The following NCOA1 variants were observed in gnomAD, a reference collection of about 807,000 sequenced individuals.
NCOA1 encodes nuclear receptor coactivator 1.
NCOA1 carries 35 observed loss-of-function variants against 150.9 expected under a neutral mutation model. The ratio of observed to expected loss-of-function variants is 0.23; its 90% confidence interval spans 0.18 to 0.31. The LOEUF is 0.31. Ranked by LOEUF, NCOA1 falls within the 10% of genes least tolerant of loss-of-function variation. The pLI is 1.00. For synonymous variants in NCOA1, 590 were observed against 630.0 expected, an observed-to-expected ratio of 0.94 and a Z score of 0.95; for missense variants, 1,491 against 1,749.3, an observed-to-expected ratio of 0.85 and a Z score of 2.63.
chr2:24,644,794 A>G (rs1010981930), intron 4 of NCOA1, among the ~76,000 whole-genome samples: 1 of 152,252 alleles, frequency 6.6e-6, no homozygotes, highest in African/African-American at 2.4e-5. Context: ...TGAATTATAC[A>G]TAGATAAAAA....
rs1228468883 is a variant in NCOA1 at position 24,728,373 on chromosome 2, A to T, written c.2783A>T (p.Asp928Val). 3.1e-6 allele frequency: 5 copies of T among 1,613,692 alleles called. No homozygotes were observed. The highest frequency in any genetic ancestry group is 4.2e-6 in the Non-Finnish European group (5 of 1,179,632). Residue 928 changes from aspartate (D) to valine (V), a missense_variant, in exon 16 of 23, where the codon GAT (aspartate) becomes GTT (valine). By Grantham distance (152) the Asp-to-Val change is radical. Coordinates refer to ENST00000348332, the MANE Select transcript of NCOA1 (RefSeq NM_003743.5). Reference protein sequence around the residue: ...CPPTTVEGRNDEKALLEQLVS... With the variant: ...CPPTTVEGRNVEKALLEQLVS... ...CCCACAACAGTAGAAGGGAGAAATG[A>T]TGAGAAGGCTCTTCTTGAACAGCTG...
chr2:24,557,414 A>T (rs1666114356), intron 1 of NCOA1, among the ~76,000 whole-genome samples: 1 of 152,104 alleles, frequency 6.6e-6, no homozygotes. Context: ...TTGGTGAATA[A>T]TCTACGGTGA....
At chr2:24,632,389 C>T (rs543823020) in intron 3 of NCOA1, among the ~76,000 whole-genome samples, 8 of 152,130 alleles carry the variant, frequency 5.3e-5, no homozygotes, top group African/African-American at 1.9e-4. Context: ...ATTTAAAAAG[C>T]CACTAGATGC....
At chr2:24,695,708 T>C (rs1306636137) in intron 10 of NCOA1, among the ~76,000 whole-genome samples, 2 of 152,222 alleles carry the variant, frequency 1.3e-5, no homozygotes, top group Admixed American at 1.3e-4. Context: ...GGGCTTTTTA[T>C]TGTTGTTTAG....
At chr2:24,759,201 A>G (rs535119980) in intron 21 of NCOA1, among the ~76,000 whole-genome samples, 2 of 152,322 alleles carry the variant, frequency 1.3e-5, no homozygotes, top group South Asian at 4.1e-4. Context: ...ATAGGACAAA[A>G]CTGGTATGTA....
chr2:24,599,708 T>C (rs1011391205), intron 3 of NCOA1, among the ~76,000 whole-genome samples: 1 of 150,648 alleles, frequency 6.6e-6, no homozygotes, highest in Non-Finnish European at 1.5e-5. Context: ...TCTACTATTT[T>C]ATTATGTATG....
chr2:24,535,700 C>T (rs952632548), intron 1 of NCOA1, among the ~76,000 whole-genome samples: 1 of 152,092 alleles, frequency 6.6e-6, no homozygotes, highest in African/African-American at 2.4e-5. Context: ...ATTTTTCCTT[C>T]ACTTATGAAG....
chr2:24,696,789 G>C (rs1672918307), intron 10 of NCOA1, among the ~76,000 whole-genome samples: 1 of 152,118 alleles, frequency 6.6e-6, no homozygotes, highest in South Asian at 2.1e-4. Flanking sequence ...CAAGGGAGGA[G>C]TGCACATGTG....
chr2:24,619,732 G>T (rs777823056), intron 3 of NCOA1, among the ~76,000 whole-genome samples: 2 of 152,156 alleles, frequency 1.3e-5, no homozygotes, highest in Non-Finnish European at 2.9e-5. Context: ...CTCTGTCCTT[G>T]AAGTTCTCTT....
chr2:24,670,031 G>A (rs1039814434), intron 6 of NCOA1, among the ~76,000 whole-genome samples: 11 of 152,148 alleles, frequency 7.2e-5, no homozygotes, highest in African/African-American at 2.7e-4. Context: ...CCAACTATTC[G>A]GGAGACCAAG....
At chr2:24,615,621 G>A (rs1019758282) in intron 3 of NCOA1, among the ~76,000 whole-genome samples, 2 of 152,178 alleles carry the variant, frequency 1.3e-5, no homozygotes, top group Non-Finnish European at 2.9e-5. Flanking sequence ...TCTAACAAGT[G>A]CCAAGCATTG....
At chr2:24,742,312 C>A in intron 19 of NCOA1, 126 bp downstream of exon 19, 1 of 1,138,826 alleles carries the variant, frequency 8.8e-7, no homozygotes. Context: ...ACGTGGGAGT[C>A]TGGAGACCCA....
chr2:24,651,992 T>TA (rs1053444120), intron 4 of NCOA1, among the ~76,000 whole-genome samples: 41 of 152,208 alleles, frequency 2.7e-4, no homozygotes, highest in African/African-American at 9.4e-4. Context: ...CTCAAAAAGT[T>TA]AAAGAGTTAC....
chr2:24,513,589 T>C (rs1664027466), intron 1 of NCOA1, among the ~76,000 whole-genome samples: 1 of 151,694 alleles, frequency 6.6e-6, no homozygotes, highest in Non-Finnish European at 1.5e-5. Context: ...AAGGAAAATG[T>C]GTGTGTGTGT....
chr2:24,609,167 G>A (rs1289063774), intron 3 of NCOA1, among the ~76,000 whole-genome samples: 2 of 152,184 alleles, frequency 1.3e-5, no homozygotes, highest in Non-Finnish European at 2.9e-5. Flanking sequence ...AGAGGGAGGA[G>A]TAGCTACATA....
At chr2:24,658,565 T>G in intron 4 of NCOA1, 96 bp from the exon 5 acceptor site, 1 of 832,556 alleles carries the variant, frequency 1.2e-6, no homozygotes, top group Non-Finnish European at 2.0e-6. Flanking sequence ...TATAGCACAA[T>G]TTTTAGAAAT....
intron 22 of NCOA1, among the ~76,000 whole-genome samples, chr2:24,765,369 G>A (rs951586966): frequency 6.6e-6 from 1 of 151,970 alleles, no homozygotes; most frequent in Non-Finnish European, 1.5e-5. Flanking sequence ...CATGGTGGCG[G>A]GCGCCTGTAG....
rs987578431 is a variant in NCOA1 at position 24,769,781 on chromosome 2, C to T, written c.*1390C>T. On this transcript the variant is annotated 3_prime_UTR_variant, in exon 23 of 23. Coordinates refer to ENST00000348332, the MANE Select transcript of NCOA1 (RefSeq NM_003743.5). ...ACTGACTTTCTAGTTCTAGAAGTTC[C>T]GCTGCAAGGCCAGGAAAGCTTGAGA... 3 of 222,210 alleles carry T rather than the reference C, an allele frequency of 1.4e-5. No individual in the cohort carries two copies. The highest frequency in any genetic ancestry group is 1.3e-3 in the Middle Eastern group (1 of 758). 13.8% of individuals were successfully genotyped at this position (222,210 alleles called of 1,614,324 possible).
intron 3 of NCOA1, among the ~76,000 whole-genome samples, chr2:24,614,724 A>G (rs1282252383): frequency 1.3e-5 from 2 of 152,180 alleles, no homozygotes; most frequent in Admixed American, 6.5e-5. Flanking sequence ...CCTCCTAGAT[A>G]ATTCTGATGC....
Sources: gnomAD v4.1 joint callset for allele counts (sites outside exome capture counted in the v4.1 genomes callset) on GRCh38, gnomAD v4.1.1 for gene constraint, MANE v1.5 for transcripts, NCBI Gene and HGNC (gene_info 2026-07-23, HGNC 2026-07-21) for gene names.